NLRP5: variants seen among roughly 807,000 people sequenced by gnomAD.
NLRP5 encodes NLR family pyrin domain containing 5.
A neutral mutation model predicts 113.1 loss-of-function variants in NLRP5; 93 were observed. The observed-to-expected ratio is 0.82, with a 90% confidence interval of 0.70 to 0.98. The LOEUF (loss-of-function observed/expected upper bound fraction) is 0.98. NLRP5 is among the 50% of genes least tolerant of loss of function. The pLI is 0.00. For synonymous variants in NLRP5, 751 were observed against 600.7 expected (o/e 1.25, Z -3.66); for missense variants, 1,808 against 1,514.3 (o/e 1.19, Z -3.22).
chr19:56,048,689 G>A (rs906593527), intron 11 of NLRP5, among the ~76,000 whole-genome samples: 1 of 152,106 alleles, frequency 6.6e-6, no homozygotes, highest in African/African-American at 2.4e-5. Context: ...TGATGACAAT[G>A]TGCCTAGGTG....
At chr19:56,059,742 T>C (rs942279525) in intron 14 of NLRP5, among the ~76,000 whole-genome samples, 3 of 152,028 alleles carry the variant, frequency 2.0e-5, no homozygotes, top group African/African-American at 7.3e-5. Flanking sequence ...ACCAGGCTGG[T>C]CTCAAATTCC....
intron 7 of NLRP5, among the ~76,000 whole-genome samples, chr19:56,029,175 C>T (rs895612919): frequency 3.9e-5 from 6 of 152,178 alleles, no homozygotes; most frequent in African/African-American, 1.4e-4. Context: ...TCCAGTAGGA[C>T]AGCCACCAGC....
At chr19:56,053,337 A>G (rs1022835161) in intron 12 of NLRP5, among the ~76,000 whole-genome samples, 8 of 152,048 alleles carry the variant, frequency 5.3e-5, no homozygotes, top group African/African-American at 1.9e-4. Flanking sequence ...TGGAGGTTGC[A>G]GTGAGCCGAG....
rs1039220609 is a variant in NLRP5, at chr19:56,061,618, T to C, written c.*90T>C. The C allele has an allele frequency of 7.4e-6, 10 of 1,355,936 alleles. No individual in the cohort carries two copies. In the Admixed American group the frequency reaches 1.1e-4, roughly 15 times the overall value. The allele number at this position is 1,355,936 out of a possible 1,614,324, so 84.0% of individuals were successfully genotyped here. A position where few individuals can be genotyped will look rare whatever the true frequency, so the allele number is the denominator to read the frequency against. On this transcript the variant is annotated 3_prime_UTR_variant, in exon 15 of 15. Transcript: ENST00000390649. ...AGCAAGCTATGCACCTGGGAGTTCC[T>C]TCTCAAAGATGGAGAATGATTTCTG...
At chr19:56,051,157 C>T (rs1372657226) in intron 12 of NLRP5, among the ~76,000 whole-genome samples, 1 of 152,106 alleles carries the variant, frequency 6.6e-6, no homozygotes, top group Non-Finnish European at 1.5e-5. Context: ...TAGTAGTCAG[C>T]ACTTAATGCA....
In NLRP5 at chr19:56,003,761, G is replaced by T. The variant is rs760011871; in HGVS notation, c.108G>T (p.Lys36Asn). ...GTCCTACTTGCTCTATATTACCAAA[G>T]AATCCACTTTTCCCCCAAAACCTGA... The change falls in exon 2 of 15, where the codon AAG becomes AAT. Residue 36 changes from lysine (K) to asparagine (N), a missense_variant. Physicochemically the swap from Lys to Asn is moderately conservative, Grantham distance 94 (BLOSUM62 0). Transcript: ENST00000390649. 1.1e-5 allele frequency: 17 copies of T among 1,613,506 alleles called. No homozygotes were observed. In the South Asian group the frequency reaches 1.9e-4, roughly 18 times the overall value.
chr19:56,045,257 G>C (rs1983680146), intron 11 of NLRP5, among the ~76,000 whole-genome samples: 1 of 152,186 alleles, frequency 6.6e-6, no homozygotes, highest in African/African-American at 2.4e-5. Flanking sequence ...GGAGTAGTGA[G>C]AGTGGGCATC....
intron 3 of NLRP5, among the ~76,000 whole-genome samples, chr19:56,010,921 G>T (rs1428359626): frequency 6.6e-6 from 1 of 151,876 alleles, no homozygotes; most frequent in African/African-American, 2.4e-5. Flanking sequence ...GGAGGCTGAG[G>T]CAGGCAGATT....
At chr19:56,006,725 C>A (rs117241160) in intron 2 of NLRP5, among the ~76,000 whole-genome samples, 58,782 of 150,714 alleles carry the variant, frequency 0.39, 11,666 homozygotes, top group East Asian at 0.59. Flanking sequence ...GAGCGAGACT[C>A]CGTATTTAAA....
At chr19:56,061,297 A>G in intron 14 of NLRP5, 99 bp from the exon 15 acceptor site, 1 of 1,347,564 alleles carries the variant, frequency 7.4e-7, no homozygotes. Context: ...GAGTACAAGA[A>G]AAGGTTTGAG....
At chr19:56,041,186 G>A in intron 11 of NLRP5, 94 bp downstream of exon 11, 1 of 1,227,200 alleles carries the variant, frequency 8.1e-7, no homozygotes, top group East Asian at 2.4e-5. Context: ...AGGGGGTGTG[G>A]ACATCATCAC....
chr19:56,015,977 C>T (rs980061376), intron 4 of NLRP5, among the ~76,000 whole-genome samples, 179 bp downstream of exon 4: 2 of 152,114 alleles, frequency 1.3e-5, no homozygotes, highest in African/African-American at 4.8e-5. Context: ...CAGAACCTTG[C>T]ACGTTCACTA....
chr19:56,030,086 G>A (rs1397730882), intron 7 of NLRP5, among the ~76,000 whole-genome samples: 2 of 150,438 alleles, frequency 1.3e-5, no homozygotes, highest in East Asian at 2.0e-4. Context: ...ATTATCACAT[G>A]GGGCTGGGCG....
upstream of NLRP5, among the ~76,000 whole-genome samples, chr19:55,995,864 G>C (rs1361444386): frequency 6.6e-6 from 1 of 151,844 alleles, no homozygotes; most frequent in Non-Finnish European, 1.5e-5. Flanking sequence ...TTCTTTTTCA[G>C]CTAGTTCATT....
chr19:56,036,036 T>A (rs1381024954), intron 9 of NLRP5, among the ~76,000 whole-genome samples: 1 of 150,324 alleles, frequency 6.7e-6, no homozygotes, highest in African/African-American at 2.5e-5. Context: ...TCCTGGGACA[T>A]GCTGATGAAT....
At chr19:56,012,136 G>A (rs748345773) in intron 3 of NLRP5, among the ~76,000 whole-genome samples, 5 of 151,392 alleles carry the variant, frequency 3.3e-5, no homozygotes, top group Middle Eastern at 3.2e-3. Flanking sequence ...TGTTCTTCCC[G>A]TAGTGGCTGC....
intron 2 of NLRP5, among the ~76,000 whole-genome samples, chr19:56,008,557 G>C (rs961088437): frequency 6.6e-6 from 1 of 152,128 alleles, no homozygotes; most frequent in South Asian, 2.1e-4. Context: ...AGGCCATCCA[G>C]CAAAACGGCC....
chr19:55,987,840 C>T, the NLRP5 span: 5 of 1,614,022 alleles, frequency 3.1e-6, no homozygotes, highest in East Asian at 2.2e-5. Context: ...ACTCGAATAA[C>T]TAGCTTCTCC....
Position 56,015,694 on chromosome 19 carries a change from A to G in NLRP5, c.509-48A>G, listed in dbSNP as rs374714306. ...GGTGTCCAACATCTCTGATTTGAAT[A>G]ATATACACAGTATGTTTGTGTTTAT... On this transcript the variant is annotated intron_variant, in intron 3 of 14. Transcript: ENST00000390649. The G allele has an allele frequency of 9.6e-6, 14 of 1,464,800 alleles. No homozygotes were observed. The African/African-American group carries it at 1.4e-4, about 15-fold the overall frequency. The allele number at this position is 1,464,800 out of a possible 1,614,324, so 90.7% of individuals were successfully genotyped here.
Sources: allele counts gnomAD v4.1 joint callset (sites outside exome capture counted in the v4.1 genomes callset), GRCh38; gene constraint gnomAD v4.1.1; transcripts MANE v1.5; gene names NCBI Gene and HGNC (gene_info 2026-07-23, HGNC 2026-07-21).